LOXL3: variants seen among roughly 807,000 people sequenced by gnomAD.
The protein encoded by LOXL3 is lysyl oxidase like 3.
A neutral mutation model predicts 91.8 loss-of-function variants in LOXL3; 60 were observed. That is an observed-to-expected ratio of 0.65 (90% CI 0.53 to 0.81). The LOEUF is 0.81. LOXL3 is among the 30% of genes least tolerant of loss of function. The pLI, the probability that LOXL3 is intolerant of heterozygous loss-of-function variation, is 0.00. For missense variants in LOXL3, 874 were observed against 1,000.4 expected (o/e 0.87, Z 1.70); for synonymous variants, 355 against 387.6 (o/e 0.92, Z 0.99).
At chr2:74,544,916 C>T (rs1436289440) in intron 4 of LOXL3, among the ~76,000 whole-genome samples, 1 of 152,200 alleles carries the variant, frequency 6.6e-6, no homozygotes, top group Non-Finnish European at 1.5e-5. Flanking sequence ...AGGGCTCCCG[C>T]AATCTCTTTC....
In LOXL3 at chr2:74,550,492, G is replaced by C. The variant is rs1158750963; in HGVS notation, c.314-144C>G. On this transcript the variant is annotated intron_variant, in intron 2 of 13. Coordinates refer to ENST00000264094, the MANE Select transcript of LOXL3 (RefSeq NM_032603.5). ...CTGGTATGATAAGGGGTGGAGACGGGACAGGGGACCCTGGCAGGGAATAGG... is the reference window on the plus strand; with the variant it reads ...CTGGTATGATAAGGGGTGGAGACGGCACAGGGGACCCTGGCAGGGAATAGG... 4 of 866,774 alleles carry C rather than the reference G, an allele frequency of 4.6e-6. No individual in the cohort carries two copies. The East Asian group carries it at 7.8e-5, about 17-fold the overall frequency. 53.7% of individuals were successfully genotyped at this position (866,774 alleles called of 1,614,324 possible). A position where few individuals can be genotyped will look rare whatever the true frequency, so the allele number is the denominator to read the frequency against.
At chr2:74,537,474 G>T (rs1356280853) in intron 4 of LOXL3, among the ~76,000 whole-genome samples, 3 of 152,258 alleles carry the variant, frequency 2.0e-5, no homozygotes, top group African/African-American at 7.2e-5. Flanking sequence ...ATTAGGAGGG[G>T]CAGATGCAGC....
chr2:74,548,501 G>T (rs751170113), intron 4 of LOXL3, among the ~76,000 whole-genome samples: 1 of 152,158 alleles, frequency 6.6e-6, no homozygotes, highest in South Asian at 2.1e-4. Flanking sequence ...ATCTGAAGTA[G>T]TGTGCCCGCG....
rs778031977 is a variant in LOXL3, at chr2:74,536,448, G to A, written c.936C>T (p.Gly312=). The A allele has an allele frequency of 5.9e-5, 95 of 1,613,558 alleles. No homozygotes were observed. The highest frequency in any genetic ancestry group is 6.9e-5 in the Non-Finnish European group (81 of 1,179,940). The stretch of plus-strand genomic sequence containing the variant: ...CTACCCGGCCCTCTCCAGGGTGGGC[G>A]CCGCCCTTTAGACGGACACGGGCCT... ...QGEARVRLKG[G]AHPGEGRVEV... The change falls in exon 6 of 14, where the codon GGC becomes GGT. Residue 312 remains glycine (G), a synonymous_variant. Transcript: ENST00000264094. This position sits in a 1 kb window ranked among gnomAD's most constrained non-coding sequence, Gnocchi z 4.5.
rs1305821161 is a variant in LOXL3, at chr2:74,549,951, G to A, written c.477+234C>T. The stretch of plus-strand genomic sequence containing the variant: ...AAGGAGAGCACCAGGTGCCCCAGGG[G>A]TGACTAGGGATGAAGCTGGAGAGGC... On this transcript the variant is annotated intron_variant, in intron 3 of 13. Coordinates refer to ENST00000264094, the MANE Select transcript of LOXL3 (RefSeq NM_032603.5). This position sits in a 1 kb window ranked among gnomAD's most constrained non-coding sequence, Gnocchi z 5.3. 3 of 985,482 alleles carry A rather than the reference G, an allele frequency of 3.0e-6. No homozygotes were observed. The South Asian group carries it at 1.4e-4, about 46-fold the overall frequency. 61.0% of individuals were successfully genotyped at this position (985,482 alleles called of 1,614,324 possible).
rs756665410 is a variant in LOXL3 at position 74,536,710 on chromosome 2, T to TC, written c.910dup (p.Glu304GlyfsTer30). ...GGTCATAATCACTGTCTCACACACC[T>TC]CCCCCTGAGGCTTCGACTGTTGTTG... On this transcript the variant is annotated frameshift_variant and splice_region_variant, in exon 5 of 14. Coordinates refer to ENST00000264094, the MANE Select transcript of LOXL3 (RefSeq NM_032603.5). LOFTEE classifies it high-confidence loss of function. The surrounding 1 kb of genome is among the most constrained non-coding windows in gnomAD (Gnocchi z 4.5). 6.2e-7 allele frequency: 1 copy of TC among 1,613,700 alleles called. No homozygotes were observed. The highest frequency in any genetic ancestry group is 1.7e-5 in the Admixed American group (1 of 60,000).
At chr2:74,547,701 GATTCCTCA>G (rs1214764302) in intron 4 of LOXL3, among the ~76,000 whole-genome samples, 45 of 81,588 alleles carry the variant, frequency 5.5e-4, no homozygotes, top group African/African-American at 2.1e-3. Context: ...GGAGAAAAAG[GATTCCTCA>G]ATTCCTCAAT....
chr2:74,532,330 C>G lies in LOXL3; in HGVS notation c.*1276G>C, dbSNP rs1301392092. 1 of 488,504 alleles carries G rather than the reference C, an allele frequency of 2.0e-6. No individual in the cohort carries two copies. Among genetic ancestry groups the G allele is most frequent in the Non-Finnish European group, 3.7e-6 (1 of 268,340 alleles). The allele number at this position is 488,504 out of a possible 1,614,324, so 30.3% of individuals were successfully genotyped here. A position where few individuals can be genotyped will look rare whatever the true frequency, so the allele number is the denominator to read the frequency against. ...TTAATATCAGATCCATCCTTTTAGG[C>G]TCAACTTAAGTTCTTTCCCCTTAAA... On this transcript the variant is annotated 3_prime_UTR_variant, in exon 14 of 14. Transcript: ENST00000264094.
intron 4 of LOXL3, among the ~76,000 whole-genome samples, chr2:74,540,998 G>T (rs1016248483): frequency 1.3e-5 from 2 of 152,116 alleles, no homozygotes; most frequent in Admixed American, 6.5e-5. Context: ...TTCCTGCTCC[G>T]CTGTTTCTCT....
rs2104378135 is a variant in LOXL3 at position 74,532,304 on chromosome 2, G to A, written c.*1302C>T. ...ATTTATGCTGTTCTTGTTTTATATG[G>A]TTAATATCAGATCCATCCTTTTAGG... On this transcript the variant is annotated 3_prime_UTR_variant, in exon 14 of 14. Transcript: ENST00000264094. 2.1e-6 allele frequency: 1 copy of A among 477,626 alleles called. No individual in the cohort carries two copies. The highest frequency in any genetic ancestry group is 2.1e-5 in the South Asian group (1 of 47,682). 29.6% of individuals were successfully genotyped at this position (477,626 alleles called of 1,614,324 possible).
Position 74,533,594 on chromosome 2 carries a change from G to C in LOXL3, c.*12C>G. 6.2e-7 allele frequency: 1 copy of C among 1,613,494 alleles called. No individual in the cohort carries two copies. The highest frequency in any genetic ancestry group is 1.1e-5 in the South Asian group (1 of 91,056). On this transcript the variant is annotated 3_prime_UTR_variant, in exon 14 of 14. Coordinates refer to ENST00000264094, the MANE Select transcript of LOXL3 (RefSeq NM_032603.5). ...TTAGGGGCCAGTGGTGGTTTGCAGA[G>C]GGCAGTGGCACTTAGATAATCTGGT...
intron 1 of LOXL3, among the ~76,000 whole-genome samples, 193 bp downstream of exon 1, chr2:74,553,683 G>C (rs1257217596): frequency 1.3e-5 from 2 of 152,118 alleles, no homozygotes; most frequent in Non-Finnish European, 2.9e-5. Context: ...GGCCCTGTTC[G>C]AACACCCGTA....
intron 4 of LOXL3, among the ~76,000 whole-genome samples, chr2:74,547,663 T>C (rs1323554236): frequency 6.7e-6 from 1 of 149,960 alleles, no homozygotes; most frequent in African/African-American, 2.5e-5. Context: ...CTGGATAATA[T>C]CCTGACTTTC....
intron 4 of LOXL3, among the ~76,000 whole-genome samples, chr2:74,538,569 C>T (rs923223342): frequency 1.3e-5 from 2 of 152,114 alleles, no homozygotes; most frequent in African/African-American, 4.8e-5. Context: ...TAAAGGAGCC[C>T]AGGAGGAAAA....
At chr2:74,546,922 G>A (rs1000345055) in intron 4 of LOXL3, among the ~76,000 whole-genome samples, 1 of 152,052 alleles carries the variant, frequency 6.6e-6, no homozygotes, top group Non-Finnish European at 1.5e-5. Context: ...CTCCATGTTG[G>A]TCAGGCTGGT....
In LOXL3 at chr2:74,553,695, C is replaced by A. The variant is rs527282899; in HGVS notation, c.-13+181G>T. 2.0e-5 allele frequency among the ~76,000 whole-genome samples: 3 copies of A among 152,318 alleles called. No individual in the cohort carries two copies. In the East Asian group the frequency reaches 5.8e-4, roughly 29 times the overall value. ...GGCGGCCCTGTTCGAACACCCGTAG[C>A]CCCCGCCTCCGGTATGTGCCTCCTC... On this transcript the variant is annotated intron_variant, in intron 1 of 13. Coordinates refer to ENST00000264094, the MANE Select transcript of LOXL3 (RefSeq NM_032603.5).
chr2:74,551,313 G>A (rs1256160905), intron 2 of LOXL3, among the ~76,000 whole-genome samples: 1 of 152,208 alleles, frequency 6.6e-6, no homozygotes, highest in Non-Finnish European at 1.5e-5. Flanking sequence ...CAATGTTCAA[G>A]GACATCTCAT....
At position 74,549,904 on chromosome 2, in the gene LOXL3, G is replaced by A; in HGVS notation, c.477+281C>T. ...GAAAGTCAGAAGGAAGATGTCTCAGGAAAGCAGGAACATTTGAGGAGAAGG... is the reference window on the plus strand; with the variant it reads ...GAAAGTCAGAAGGAAGATGTCTCAGAAAAGCAGGAACATTTGAGGAGAAGG... On this transcript the variant is annotated intron_variant, in intron 3 of 13. Coordinates refer to ENST00000264094, the MANE Select transcript of LOXL3 (RefSeq NM_032603.5). This position sits in a 1 kb window ranked among gnomAD's most constrained non-coding sequence, Gnocchi z 5.3. 1 of 985,474 alleles carries A rather than the reference G, an allele frequency of 1.0e-6. No individual in the cohort carries two copies. Among genetic ancestry groups the A allele is most frequent in the Non-Finnish European group, 1.2e-6 (1 of 829,942 alleles). The allele number at this position is 985,474 out of a possible 1,614,324, so 61.0% of individuals were successfully genotyped here. A position where few individuals can be genotyped will look rare whatever the true frequency, so the allele number is the denominator to read the frequency against.
At chr2:74,545,429 T>C (rs1210999307) in intron 4 of LOXL3, among the ~76,000 whole-genome samples, 1 of 152,232 alleles carries the variant, frequency 6.6e-6, no homozygotes, top group African/African-American at 2.4e-5. Context: ...GGCCAAACTC[T>C]CCAATTTGGC....
Sources: gnomAD v4.1 joint callset for allele counts (sites outside exome capture counted in the v4.1 genomes callset) on GRCh38, gnomAD v4.1.1 for gene constraint, Gnocchi (gnomAD v3.1) non-coding constraint, MANE v1.5 for transcripts, NCBI Gene and HGNC (gene_info 2026-07-23, HGNC 2026-07-21) for gene names.